NBEA: variants seen among roughly 807,000 people sequenced by gnomAD.
NBEA encodes the protein neurobeachin, also known as lysosomal-trafficking regulator 2.
A neutral mutation model predicts 343.4 loss-of-function variants in NBEA; 44 were observed. The ratio of observed to expected loss-of-function variants is 0.13; its 90% CI spans 0.10 to 0.16. The LOEUF (loss-of-function observed/expected upper bound fraction) is 0.16, where lower values mean the gene tolerates loss of function less well. Among genes scored for constraint, NBEA ranks in the 10% least tolerant of loss-of-function variants. NBEA has a pLI of 1.00. For synonymous variants in NBEA, 1,175 were observed against 1,238.7 expected (o/e 0.95, Z 1.08); for missense variants, 2,555 against 3,631.3 (o/e 0.70, Z 7.62).
intron 44 of NBEA, among the ~76,000 whole-genome samples, chr13:35,558,582 A>G (rs1372106063): frequency 6.6e-6 from 1 of 152,196 alleles, no homozygotes; most frequent in Non-Finnish European, 1.5e-5. Flanking sequence ...CATTTGTTCT[A>G]GTTCAGTGGT....
chr13:35,128,238 TA>T (rs562000555), intron 17 of NBEA, among the ~76,000 whole-genome samples: 1,976 of 132,530 alleles, frequency 0.015, 75 homozygotes, highest in Admixed American at 0.093. Context: ...AGTATAATAA[TA>T]AAAAAAAAAA....
intron 17 of NBEA, among the ~76,000 whole-genome samples, chr13:35,124,200 ATAATT>A (rs113833040): frequency 0.034 from 5,109 of 151,244 alleles, 130 homozygotes; most frequent in South Asian, 0.075. Flanking sequence ...TAGTGCAACT[ATAATT>A]TAAATGTTAC....
intron 40 of NBEA, among the ~76,000 whole-genome samples, chr13:35,465,234 A>G (rs2047106450): frequency 6.6e-6 from 1 of 152,174 alleles, no homozygotes; most frequent in African/African-American, 2.4e-5. Context: ...TATAAATGCA[A>G]CACTGGTATA....
chr13:35,092,994 C>T (rs1450803660), intron 10 of NBEA, among the ~76,000 whole-genome samples: 1 of 152,002 alleles, frequency 6.6e-6, no homozygotes, highest in Non-Finnish European at 1.5e-5. Context: ...CATTAATACT[C>T]ATCAACTAAA....
intron 41 of NBEA, among the ~76,000 whole-genome samples, chr13:35,543,291 T>A (rs1944262122): frequency 6.6e-6 from 1 of 152,200 alleles, no homozygotes; most frequent in African/African-American, 2.4e-5. Flanking sequence ...ACTTATAACT[T>A]TCTTTTTTAT....
chr13:35,192,142 T>A (rs1344623374), intron 30 of NBEA, among the ~76,000 whole-genome samples: 4 of 152,074 alleles, frequency 2.6e-5, no homozygotes, highest in African/African-American at 9.6e-5. Context: ...CTTACATGCC[T>A]GTGATTAATA....
chr13:35,319,717 T>C (rs1301540403), intron 36 of NBEA, among the ~76,000 whole-genome samples: 1 of 152,200 alleles, frequency 6.6e-6, no homozygotes, highest in Non-Finnish European at 1.5e-5. Context: ...TATTATTGCG[T>C]AGGAGTCTAA....
intron 35 of NBEA, among the ~76,000 whole-genome samples, chr13:35,294,683 C>T (rs1454799890): frequency 6.6e-6 from 1 of 152,032 alleles, no homozygotes; most frequent in Non-Finnish European, 1.5e-5. Context: ...AGTTTTGCTG[C>T]TGAATTTGAA....
chr13:35,105,158 A>T (rs1276144801), intron 11 of NBEA, among the ~76,000 whole-genome samples: 1 of 152,008 alleles, frequency 6.6e-6, no homozygotes, highest in African/African-American at 2.4e-5. Context: ...TCAAGAAAGG[A>T]GTATAGTGTA....
chr13:35,163,617 CAAAA>C (rs56961670), intron 23 of NBEA, among the ~76,000 whole-genome samples: 1 of 125,548 alleles, frequency 8.0e-6, no homozygotes, highest in Non-Finnish European at 1.8e-5. Context: ...GATCCTTTCT[CAAAA>C]AAAAAAAAAA....
intron 48 of NBEA, among the ~76,000 whole-genome samples, chr13:35,613,951 C>T (rs2082628936): frequency 6.6e-6 from 1 of 152,126 alleles, no homozygotes; most frequent in Admixed American, 6.5e-5. Flanking sequence ...AATGGCTTTA[C>T]TAATTTATGC....
chr13:35,051,637 T>C (rs2063068991), intron 6 of NBEA, among the ~76,000 whole-genome samples: 1 of 152,028 alleles, frequency 6.6e-6, no homozygotes, highest in African/African-American at 2.4e-5. Flanking sequence ...GGTGTATTCT[T>C]TCTTTTTTAA....
At chr13:35,114,175 G>A (rs2066379780) in intron 13 of NBEA, among the ~76,000 whole-genome samples, 1 of 152,078 alleles carries the variant, frequency 6.6e-6, no homozygotes, top group African/African-American at 2.4e-5. Flanking sequence ...TTAGTGGACA[G>A]ATCTAGGAAA....
rs73502421 is a variant in NBEA, at chr13:35,153,943, A to T, written c.2446-1831A>T. ...ATACGTATATACCAAGCAATAAGTG[A>T]TTGTTCTTTAGTATATGGTTTTCAA... is the stretch of plus-strand genomic sequence containing the variant. On this transcript the variant is annotated intron_variant, in intron 18 of 58. Coordinates refer to ENST00000379939, the MANE Select transcript of NBEA (RefSeq NM_001385012.1). Among the ~76,000 whole-genome samples the T allele has an allele frequency of 6.4e-3, 980 of 152,242 alleles. 11 individuals carry two copies. Among genetic ancestry groups the T allele is most frequent in the African/African-American group, 0.023 (939 of 41,538 alleles).
chr13:35,399,345 C>T (rs1214568135), intron 38 of NBEA, among the ~76,000 whole-genome samples: 1 of 152,148 alleles, frequency 6.6e-6, no homozygotes, highest in Admixed American at 6.6e-5. Flanking sequence ...AATTGACTCA[C>T]AGTTTGCATG....
chr13:35,558,206 G>T (rs2153019577), intron 44 of NBEA, among the ~76,000 whole-genome samples: 1 of 152,222 alleles, frequency 6.6e-6, no homozygotes, highest in East Asian at 1.9e-4. Flanking sequence ...CCTTTGAAAA[G>T]ATCGTAATAT....
chr13:35,469,320 G>A (rs1157591156), intron 40 of NBEA, among the ~76,000 whole-genome samples: 1 of 151,950 alleles, frequency 6.6e-6, no homozygotes. Context: ...ATCTCAATTG[G>A]TTAAAGATCT....
At chr13:35,643,279 G>A (rs1387162863) in intron 49 of NBEA, among the ~76,000 whole-genome samples, 1 of 151,936 alleles carries the variant, frequency 6.6e-6, no homozygotes, top group African/African-American at 2.4e-5. Flanking sequence ...GGGCTCCCAG[G>A]GCAGCCTGGG....
chr13:35,061,192 C>A (rs984125809), intron 8 of NBEA, among the ~76,000 whole-genome samples: 1 of 151,540 alleles, frequency 6.6e-6, no homozygotes, highest in African/African-American at 2.4e-5. Flanking sequence ...AATTTTTGTT[C>A]TGTCGAATTT....
Sources: gnomAD v4.1 joint callset for allele counts (sites outside exome capture counted in the v4.1 genomes callset) on GRCh38, gnomAD v4.1.1 for gene constraint, MANE v1.5 for transcripts, NCBI Gene and HGNC (gene_info 2026-07-23, HGNC 2026-07-21) for gene names.